Variants in AMZ2 observed in about 807,000 individuals in gnomAD.
The protein encoded by AMZ2 is archaemetzincin-2.
In AMZ2, 26 loss-of-function variants were observed where a neutral mutation model predicts 36.7. That is an observed-to-expected ratio of 0.71 (90% CI 0.52 to 0.98). The LOEUF is 0.98. Among genes scored for constraint, AMZ2 ranks in the 50% least tolerant of loss-of-function variants. The pLI is 0.00. For missense variants in AMZ2, 394 were observed against 430.5 expected, an observed-to-expected ratio of 0.92 and a Z score of 0.75; for synonymous variants, 144 against 149.1, an observed-to-expected ratio of 0.97 and a Z score of 0.25.
intron 1 of AMZ2, among the ~76,000 whole-genome samples, chr17:68,237,756 A>G (rs2073820916): frequency 6.6e-6 from 1 of 152,230 alleles, no homozygotes; most frequent in Non-Finnish European, 1.5e-5. Flanking sequence ...TTCCTGGCTC[A>G]GTCCAATCAG....
intron 1 of AMZ2, among the ~76,000 whole-genome samples, chr17:68,218,941 G>A (rs34926013): frequency 0.023 from 3,571 of 152,140 alleles, 57 homozygotes; most frequent in Non-Finnish European, 0.037. Flanking sequence ...TAGACTAGTC[G>A]GTCACCCCTA....
At chr17:68,223,380 C>T (rs1167556972) in intron 1 of AMZ2, among the ~76,000 whole-genome samples, 24 of 152,164 alleles carry the variant, frequency 1.6e-4, no homozygotes, top group African/African-American at 5.8e-4. Flanking sequence ...TAATGAAGCC[C>T]TGCGGGGCAG....
chr17:68,232,602 G>T (rs2073692265), intron 1 of AMZ2, among the ~76,000 whole-genome samples: 1 of 151,996 alleles, frequency 6.6e-6, no homozygotes, highest in African/African-American at 2.4e-5. Context: ...CCAGCACTTT[G>T]GGAGGACAAG....
chr17:68,217,365 G>A (rs1482134495), intron 1 of AMZ2, among the ~76,000 whole-genome samples: 1 of 152,134 alleles, frequency 6.6e-6, no homozygotes, highest in Non-Finnish European at 1.5e-5. Flanking sequence ...TGCTTTAAAA[G>A]CTATAGTCGT....
At chr17:68,245,217 C>G (rs1371891988), upstream of AMZ2, among the ~76,000 whole-genome samples, 1 of 148,278 alleles carries the variant, frequency 6.7e-6, no homozygotes, top group Non-Finnish European at 1.5e-5. Context: ...AAAAAAAAAC[C>G]TAACCCCCCC....
At chr17:68,244,302 T>A (rs2144658693), upstream of AMZ2, among the ~76,000 whole-genome samples, 1 of 152,314 alleles carries the variant, frequency 6.6e-6, no homozygotes, top group Non-Finnish European at 1.5e-5. Flanking sequence ...ATTTACTTTT[T>A]TTTGGAGACA....
At chr17:68,242,563 T>C (rs1466411672) in intron 1 of AMZ2, among the ~76,000 whole-genome samples, 1 of 151,952 alleles carries the variant, frequency 6.6e-6, no homozygotes, top group Admixed American at 6.6e-5. Flanking sequence ...AGGCGTGTGC[T>C]ACCATGCCCA....
At chr17:68,234,094 G>A (rs1478714215) in intron 1 of AMZ2, among the ~76,000 whole-genome samples, 1 of 152,148 alleles carries the variant, frequency 6.6e-6, no homozygotes, top group Non-Finnish European at 1.5e-5. Flanking sequence ...CACTTTGTGA[G>A]GCTGAGGCAG....
chr17:68,207,313 A>AACCCCCC (rs2072865347), intron 1 of AMZ2: 1 of 110,652 alleles, frequency 9.0e-6, no homozygotes, highest in African/African-American at 3.4e-5. Flanking sequence ...TTTGTTAAAT[A>AACCCCCC]CCCCCCCCCC....
intron 1 of AMZ2, chr17:68,207,034 C>T (rs1343822311): frequency 2.0e-5 from 3 of 152,328 alleles, no homozygotes; most frequent in Admixed American, 6.5e-5. Context: ...CTCATTTGAT[C>T]GCTTTGCCTT....
intron 1 of AMZ2, among the ~76,000 whole-genome samples, chr17:68,213,273 A>G (rs1488005609): frequency 6.6e-6 from 1 of 152,238 alleles, no homozygotes; most frequent in African/African-American, 2.4e-5. Context: ...TCATAAGGAA[A>G]TCAATTACTT....
chr17:68,226,180 A>G (rs1165134024), intron 1 of AMZ2, among the ~76,000 whole-genome samples: 1 of 152,130 alleles, frequency 6.6e-6, no homozygotes, highest in Non-Finnish European at 1.5e-5. Flanking sequence ...AGGCATTCGT[A>G]AGTGTATCAC....
intron 1 of AMZ2, among the ~76,000 whole-genome samples, chr17:68,208,185 G>T (rs1555724865): frequency 6.6e-6 from 1 of 152,228 alleles, no homozygotes; most frequent in African/African-American, 2.4e-5. Context: ...CCACCCTAGG[G>T]CTGAGAAGTG....
chr17:68,239,159 G>C (rs1555733504), intron 1 of AMZ2, among the ~76,000 whole-genome samples: 1 of 152,200 alleles, frequency 6.6e-6, no homozygotes, highest in Non-Finnish European at 1.5e-5. Flanking sequence ...CAGGTCACCT[G>C]CTGCTGCTTT....
Position 68,251,038 on chromosome 17 carries a change from C to G in AMZ2, c.458-12C>G, listed in dbSNP as rs1555739480. On this transcript the variant is annotated splice_polypyrimidine_tract_variant and intron_variant, in intron 3 of 6. Coordinates refer to ENST00000359904, the MANE Select transcript of AMZ2 (RefSeq NM_016627.5). ...TATACACTCATACATTTATGTATTT[C>G]TTTTTAAATAGGGGACATCCTGAAG... 4 of 1,606,962 alleles carry G rather than the reference C, an allele frequency of 2.5e-6. No individual in the cohort carries two copies. The South Asian group carries it at 4.5e-5, about 18-fold the overall frequency.
Position 68,248,286 on chromosome 17 carries a change from C to T in AMZ2, c.-420C>T. The T allele has an allele frequency of 1.0e-6, 1 of 985,870 alleles. No homozygotes were observed. Among genetic ancestry groups the T allele is most frequent in the Non-Finnish European group, 1.2e-6 (1 of 830,080 alleles). The allele number at this position is 985,870 out of a possible 1,614,324, so 61.1% of individuals were successfully genotyped here. Reference sequence around the variant, plus strand: ...CGGTGCCTCTAGGGAGCCAGGGAGGCCTTTCCCGAGGCTCCTGGGGAAGAA... The same window carrying T: ...CGGTGCCTCTAGGGAGCCAGGGAGGTCTTTCCCGAGGCTCCTGGGGAAGAA... On this transcript the variant is annotated 5_prime_UTR_variant, in exon 1 of 7. Coordinates refer to ENST00000359904, the MANE Select transcript of AMZ2 (RefSeq NM_016627.5).
At position 68,250,275 on chromosome 17, in the gene AMZ2, A is replaced by G. The variant is rs3213690; in HGVS notation, c.88A>G (p.Asn30Asp). ...PVLVSQYEKLNAGEQRLMNEA... is the reference protein window; with the variant it reads ...PVLVSQYEKLDAGEQRLMNEA... ...GCTTGTATCACAGTATGAGAAATTA[A>G]ATGCTGGGGAACAACGTTTAATGAA... Residue 30 changes from asparagine (N) to aspartate (D), a missense_variant, in exon 2 of 7, where the codon AAT becomes GAT. Asn to Asp is a conservative substitution (Grantham distance 23). Coordinates refer to ENST00000359904, the MANE Select transcript of AMZ2 (RefSeq NM_016627.5). The G allele has an allele frequency of 0.69, 1,114,156 of 1,614,014 alleles. 388,871 individuals carry two copies. The highest frequency in any genetic ancestry group is 0.93 in the African/African-American group (69,961 of 75,006).
At chr17:68,211,364 G>A (rs1449592481) in intron 1 of AMZ2, among the ~76,000 whole-genome samples, 8 of 151,994 alleles carry the variant, frequency 5.3e-5, no homozygotes, top group African/African-American at 1.2e-4. Context: ...TTAGCTGGGC[G>A]TGGTGGCGGG....
chr17:68,233,948 T>C (rs1291754998), intron 1 of AMZ2, among the ~76,000 whole-genome samples: 4 of 152,178 alleles, frequency 2.6e-5, no homozygotes, highest in Non-Finnish European at 5.9e-5. Context: ...CAATAAGTCG[T>C]GTTTTATTCC....
Sources: allele counts gnomAD v4.1 joint callset (sites outside exome capture counted in the v4.1 genomes callset), GRCh38; gene constraint gnomAD v4.1.1; transcripts MANE v1.5; gene names NCBI Gene and HGNC (gene_info 2026-07-23, HGNC 2026-07-21).